CFAP418: variants seen among roughly 807,000 people sequenced by gnomAD.
The protein encoded by CFAP418 is cilia- and flagella-associated protein 418.
CFAP418 carries 27 observed loss-of-function variants against 24.7 expected under a neutral mutation model. The ratio of observed to expected loss-of-function variants is 1.09; its 90% CI spans 0.81 to 1.51. The LOEUF is 1.51. Among genes scored for constraint, CFAP418 ranks in the 40% most tolerant of loss-of-function variants. The probability of loss-of-function intolerance (pLI) is 0.00; values close to 1 mark genes in which losing one functional copy is unlikely to be tolerated. For synonymous variants in CFAP418, 74 were observed against 87.3 expected (o/e 0.85, Z 0.85); for missense variants, 257 against 255.2 (o/e 1.01, Z -0.05).
At position 95,269,186 on chromosome 8, in the gene CFAP418, C is replaced by T. The variant is rs775825219; in HGVS notation, c.4G>A (p.Ala2Thr). ...TCCAAGAGCTCGTCCAGGTCCTCCG[C>T]CATCTTGAATCGCCTGGCCTTTTCC... The part of the protein sequence containing the change: M[A>T]EDLDELLDEV... Residue 2 changes from alanine to threonine, a missense_variant, in exon 1 of 6, where the codon GCG (alanine) becomes ACG (threonine). Coordinates refer to ENST00000286688, the MANE Select transcript of CFAP418 (RefSeq NM_177965.4). 1 of 1,614,058 alleles carries T rather than the reference C, an allele frequency of 6.2e-7. No homozygotes were observed. Among genetic ancestry groups the T allele is most frequent in the South Asian group, 1.1e-5 (1 of 91,076 alleles).
chr8:95,264,589 C>A (rs775636686), intron 1 of CFAP418, among the ~76,000 whole-genome samples: 12 of 152,154 alleles, frequency 7.9e-5, no homozygotes, highest in Non-Finnish European at 1.6e-4. Flanking sequence ...TAATACTATA[C>A]AAGATTAACT....
chr8:95,263,784 A>C lies in CFAP418; in HGVS notation c.156-10T>G, dbSNP rs781320258. ...AAATGTTTCTGTTGATCTGAAAAGAAGACATACACAAAGAAAACTTACCTG... is the reference window on the plus strand; with the variant it reads ...AAATGTTTCTGTTGATCTGAAAAGACGACATACACAAAGAAAACTTACCTG... On this transcript the variant is annotated splice_polypyrimidine_tract_variant and intron_variant, in intron 1 of 5. Coordinates refer to ENST00000286688, the MANE Select transcript of CFAP418 (RefSeq NM_177965.4). The C allele has an allele frequency of 1.3e-6, 2 of 1,541,910 alleles. No homozygotes were observed. Among genetic ancestry groups the C allele is most frequent in the African/African-American group, 2.7e-5 (2 of 73,510 alleles).
At chr8:95,258,752 T>C (rs1222155193) in intron 4 of CFAP418, among the ~76,000 whole-genome samples, 1 of 152,198 alleles carries the variant, frequency 6.6e-6, no homozygotes, top group East Asian at 1.9e-4. Context: ...ATTTGAAAAA[T>C]CTTTTACAAT....
chr8:95,267,632 G>A (rs1161579988), intron 1 of CFAP418, among the ~76,000 whole-genome samples: 1 of 152,130 alleles, frequency 6.6e-6, no homozygotes, highest in Non-Finnish European at 1.5e-5. Flanking sequence ...CTGGAGGTAA[G>A]CCAGGTGAAC....
chr8:95,266,377 C>T (rs145909119), intron 1 of CFAP418, among the ~76,000 whole-genome samples: 2,529 of 152,188 alleles, frequency 0.017, 43 homozygotes, highest in Non-Finnish European at 0.019. Context: ...TCATTTTGAA[C>T]ACTTCAACAA....
intron 4 of CFAP418, among the ~76,000 whole-genome samples, chr8:95,254,210 C>A (rs766092602): frequency 2.0e-4 from 31 of 152,164 alleles, no homozygotes; most frequent in South Asian, 4.1e-4. Context: ...TTGAAAATGC[C>A]TTCGTTTTAT....
chr8:95,265,630 C>T (rs1811966631), intron 1 of CFAP418, among the ~76,000 whole-genome samples: 1 of 152,010 alleles, frequency 6.6e-6, no homozygotes, highest in African/African-American at 2.4e-5. Flanking sequence ...CCGGGTTCTC[C>T]TCCCTCATGC....
chr8:95,262,127 C>A (rs1051432991), intron 2 of CFAP418, among the ~76,000 whole-genome samples: 2 of 152,288 alleles, frequency 1.3e-5, no homozygotes, highest in Middle Eastern at 3.4e-3. Flanking sequence ...ACCCCACGTA[C>A]AGAGGGCCAA....
At chr8:95,268,903 G>A (rs965845776) in intron 1 of CFAP418, 132 bp downstream of exon 1, 44 of 966,416 alleles carry the variant, frequency 4.6e-5, no homozygotes, top group Non-Finnish European at 6.4e-5. Context: ...AGGGCGCTGA[G>A]GGTCTGAACC....
intron 1 of CFAP418, among the ~76,000 whole-genome samples, chr8:95,264,924 T>C (rs1271874739): frequency 6.6e-6 from 1 of 152,220 alleles, no homozygotes; most frequent in Non-Finnish European, 1.5e-5. Flanking sequence ...TGCTCAAGGC[T>C]TGCTTCTTCA....
chr8:95,260,361 T>C, intron 3 of CFAP418, 107 bp downstream of exon 3: 3 of 806,076 alleles, frequency 3.7e-6, no homozygotes, highest in Non-Finnish European at 5.9e-6. Flanking sequence ...AACCAATGCT[T>C]TGTTGTTCAA....
intron 1 of CFAP418, 118 bp downstream of exon 1, chr8:95,268,917 A>G: frequency 1.8e-6 from 2 of 1,137,064 alleles, no homozygotes; most frequent in Non-Finnish European, 2.5e-6. Flanking sequence ...CTGAACCCTG[A>G]TGCAAGGAGG....
chr8:95,252,418 C>T, intron 4 of CFAP418, 135 bp from the exon 5 acceptor site: 1 of 605,418 alleles, frequency 1.7e-6, no homozygotes, highest in Non-Finnish European at 2.8e-6. Context: ...ACAGATTAAT[C>T]TGATTATAAA....
chr8:95,257,239 C>A (rs1397508041), intron 4 of CFAP418, among the ~76,000 whole-genome samples: 1 of 152,144 alleles, frequency 6.6e-6, no homozygotes, highest in Non-Finnish European at 1.5e-5. Context: ...TTAGGACTGA[C>A]AGCAACAACA....
chr8:95,256,435 C>T (rs1811792496), intron 4 of CFAP418, among the ~76,000 whole-genome samples: 1 of 152,190 alleles, frequency 6.6e-6, no homozygotes, highest in Non-Finnish European at 1.5e-5. Context: ...GCATAGTTTT[C>T]ATGTATTATT....
intron 1 of CFAP418, chr8:95,268,751 CGGGCG>C (rs71273476): frequency 0.051 from 5,810 of 113,806 alleles, 155 homozygotes; most frequent in African/African-American, 0.086. Flanking sequence ...GCGGGCTCTG[CGGGCG>C]GGGCGGGGCG....
At chr8:95,262,015 G>A (rs1015183588) in intron 2 of CFAP418, among the ~76,000 whole-genome samples, 1 of 152,236 alleles carries the variant, frequency 6.6e-6, no homozygotes, top group Non-Finnish European at 1.5e-5. Flanking sequence ...CAGGGTACAG[G>A]TGACCCTTGA....
chr8:95,259,981 A>C (rs1211248248), intron 3 of CFAP418, 76 bp from the exon 4 acceptor site: 13 of 1,332,916 alleles, frequency 9.8e-6, no homozygotes, highest in African/African-American at 9.1e-5. Flanking sequence ...CATGTTAAAA[A>C]AATTTTTGGT....
Position 95,245,415 on chromosome 8 carries a change from G to A in CFAP418, c.*2202C>T, listed in dbSNP as rs1335672355. The A allele has an allele frequency of 6.6e-6, 1 of 152,098 alleles. No individual in the cohort carries two copies. Among genetic ancestry groups the A allele is most frequent in the African/African-American group, 2.4e-5 (1 of 41,400 alleles). The allele number at this position is 152,098 out of a possible 1,614,324, so 9.4% of individuals were successfully genotyped here. A position where few individuals can be genotyped will look rare whatever the true frequency, so the allele number is the denominator to read the frequency against. ...ACATAGGCAATGTATGTAAGTTTTAGGATAGTTATAATGAAATAATAAAAG... is the reference window on the plus strand; with the variant it reads ...ACATAGGCAATGTATGTAAGTTTTAAGATAGTTATAATGAAATAATAAAAG... On this transcript the variant is annotated 3_prime_UTR_variant, in exon 6 of 6. Coordinates refer to ENST00000286688, the MANE Select transcript of CFAP418 (RefSeq NM_177965.4).
Sources: allele counts gnomAD v4.1 joint callset (sites outside exome capture counted in the v4.1 genomes callset), GRCh38; gene constraint gnomAD v4.1.1; transcripts MANE v1.5; gene names NCBI Gene and HGNC (gene_info 2026-07-23, HGNC 2026-07-21).